CAB39: variants seen among roughly 807,000 people sequenced by gnomAD.
CAB39 encodes calcium-binding protein 39.
A neutral mutation model predicts 40.0 loss-of-function variants in CAB39; 8 were observed. The observed-to-expected ratio is 0.20, with a 90% confidence interval of 0.12 to 0.36. The LOEUF (loss-of-function observed/expected upper bound fraction) is 0.36. Among genes scored for constraint, CAB39 ranks in the 10% least tolerant of loss-of-function variants. CAB39 has a pLI of 1.00. For synonymous variants in CAB39, 156 were observed against 141.6 expected, an observed-to-expected ratio of 1.10 and a Z score of -0.72; for missense variants, 270 against 401.1, an observed-to-expected ratio of 0.67 and a Z score of 2.79.
intron 1 of CAB39, among the ~76,000 whole-genome samples, chr2:230,726,504 T>A (rs898320781): frequency 6.6e-6 from 1 of 152,036 alleles, no homozygotes; most frequent in Non-Finnish European, 1.5e-5. Context: ...TCCTTTTACT[T>A]GTGTTCATTA....
chr2:230,814,095 CA>C lies in CAB39; in HGVS notation c.679del (p.Arg227AspfsTer4). The C allele has an allele frequency of 2.2e-6, 3 of 1,366,390 alleles. No individual in the cohort carries two copies. The highest frequency in any genetic ancestry group is 1.2e-5 in the South Asian group (1 of 81,812). 84.6% of individuals were successfully genotyped at this position (1,366,390 alleles called of 1,614,324 possible). On this transcript the variant is annotated frameshift_variant, in exon 7 of 9. Transcript: ENST00000258418. LOFTEE classifies it high-confidence loss of function. ...EKLLHSENYV[T>X]KRQSLKLLGE... ...TTACTTCATTCAGAAAATTATGTGA[CA>C]AAAAGACAGTCACTGAAGGTATGAC...
At chr2:230,763,109 A>G (rs1321541775) in intron 2 of CAB39, among the ~76,000 whole-genome samples, 1 of 152,254 alleles carries the variant, frequency 6.6e-6, no homozygotes. Context: ...ACTCATTACA[A>G]GTTATAAATA....
Position 230,818,548 on chromosome 2 carries a change from C to T in CAB39, c.870C>T (p.Pro290=), listed in dbSNP as rs1696445829. 3 of 1,613,970 alleles carry T rather than the reference C, an allele frequency of 1.9e-6. No homozygotes were observed. Among genetic ancestry groups the T allele is most frequent in the East Asian group, 2.2e-5 (1 of 44,896 alleles). Residue 290 remains proline, a synonymous_variant, in exon 9 of 9, where the codon CCC becomes CCT. Transcript: ENST00000258418. The part of the protein sequence containing the change: ...VFVANPNKTQ[P]ILDILLKNQA... ...TAGCCAATCCTAACAAGACGCAGCC[C>T]ATCCTAGACATCCTCCTCAAGAACC...
intron 1 of CAB39, among the ~76,000 whole-genome samples, chr2:230,727,363 CGTGTGTGTGT>C (rs10542723): frequency 1.7e-3 from 210 of 126,942 alleles, no homozygotes; most frequent in African/African-American, 5.4e-3. Context: ...GATTGTTAAC[CGTGTGTGTGT>C]GTGTGTGTGT....
chr2:230,737,795 T>C (rs1054577374), intron 1 of CAB39, among the ~76,000 whole-genome samples: 2 of 152,210 alleles, frequency 1.3e-5, no homozygotes, highest in Non-Finnish European at 2.9e-5. Flanking sequence ...ATGCTTTTGT[T>C]GTGCATTTTA....
chr2:230,726,593 T>C (rs1447827817), intron 1 of CAB39, among the ~76,000 whole-genome samples: 1 of 152,188 alleles, frequency 6.6e-6, no homozygotes, highest in Non-Finnish European at 1.5e-5. Flanking sequence ...TCCCTGTGCC[T>C]TAACCTTCCC....
chr2:230,742,631 T>C (rs1291842674), intron 1 of CAB39, among the ~76,000 whole-genome samples: 1 of 145,958 alleles, frequency 6.9e-6, no homozygotes, highest in Non-Finnish European at 1.5e-5. Flanking sequence ...TACAAGTCAA[T>C]AAGAAAAGGA....
At chr2:230,815,845 C>T (rs1428469670) in intron 7 of CAB39, among the ~76,000 whole-genome samples, 1 of 152,198 alleles carries the variant, frequency 6.6e-6, no homozygotes, top group Admixed American at 6.5e-5. Flanking sequence ...GGCTTCAGCA[C>T]CAGCCGTACT....
At chr2:230,778,203 G>T (rs1319906980) in intron 2 of CAB39, among the ~76,000 whole-genome samples, 1 of 152,220 alleles carries the variant, frequency 6.6e-6, no homozygotes, top group African/African-American at 2.4e-5. Context: ...ATTGGGGACA[G>T]TGAAGAGGGC....
At chr2:230,799,399 T>C (rs1448985604) in intron 5 of CAB39, among the ~76,000 whole-genome samples, 1 of 152,256 alleles carries the variant, frequency 6.6e-6, no homozygotes, top group African/African-American at 2.4e-5. Context: ...CACTGGATCA[T>C]GTCGATTAAA....
chr2:230,739,707 T>A (rs1694843992), intron 1 of CAB39, among the ~76,000 whole-genome samples: 1 of 152,216 alleles, frequency 6.6e-6, no homozygotes, highest in Admixed American at 6.5e-5. Flanking sequence ...TTGGTCAGGC[T>A]GGTCTTGAAC....
In CAB39 at chr2:230,793,071, AT is replaced by A. The variant is rs1199290505; in HGVS notation, c.280-139del. ...ATTTGGAATTACAAATGAAGAGATA[AT>A]TTAATGTCTATGAATGTGTTAAAGT... On this transcript the variant is annotated intron_variant, in intron 3 of 8. Transcript: ENST00000258418. The A allele has an allele frequency of 5.3e-6, 3 of 561,912 alleles. No individual in the cohort carries two copies. In the Admixed American group the frequency reaches 8.9e-5, roughly 17 times the overall value. 34.8% of individuals were successfully genotyped at this position (561,912 alleles called of 1,614,324 possible).
intron 5 of CAB39, among the ~76,000 whole-genome samples, chr2:230,801,775 A>G (rs964913430): frequency 2.0e-5 from 3 of 152,036 alleles, no homozygotes; most frequent in African/African-American, 7.3e-5. Flanking sequence ...AGGCTGAGGC[A>G]TAAGAATCCC....
intron 1 of CAB39, among the ~76,000 whole-genome samples, chr2:230,748,834 ATATATATATATATATAT>A (rs1695033062): frequency 3.5e-4 from 19 of 53,928 alleles, no homozygotes; most frequent in South Asian, 2.2e-3. Context: ...AAAAAAAAAT[ATATATATATATATATAT>A]ATATATATAT....
At chr2:230,808,621 G>T (rs144493911) in intron 5 of CAB39, among the ~76,000 whole-genome samples, 52 of 152,200 alleles carry the variant, frequency 3.4e-4, no homozygotes, top group Non-Finnish European at 4.9e-4. Flanking sequence ...AAACTCTTGA[G>T]TGTACTCAGA....
At chr2:230,762,858 A>G (rs1695319234) in intron 2 of CAB39, among the ~76,000 whole-genome samples, 1 of 152,214 alleles carries the variant, frequency 6.6e-6, no homozygotes, top group African/African-American at 2.4e-5. Context: ...AAATAAGTAA[A>G]CATAGCTGAA....
At chr2:230,735,544 CCTT>C (rs1559592534) in intron 1 of CAB39, among the ~76,000 whole-genome samples, 2 of 151,784 alleles carry the variant, frequency 1.3e-5, no homozygotes, top group Non-Finnish European at 2.9e-5. Context: ...GACAGAGTCT[CCTT>C]CTGTCACCCA....
intron 5 of CAB39, among the ~76,000 whole-genome samples, chr2:230,805,844 A>G (rs1009916902): frequency 1.3e-5 from 2 of 152,188 alleles, no homozygotes; most frequent in African/African-American, 2.4e-5. Context: ...CTGCAGAGAA[A>G]CTTCTAGCGA....
At chr2:230,815,846 C>T (rs1194263789) in intron 7 of CAB39, among the ~76,000 whole-genome samples, 1 of 152,236 alleles carries the variant, frequency 6.6e-6, no homozygotes, top group Non-Finnish European at 1.5e-5. Context: ...GCTTCAGCAC[C>T]AGCCGTACTT....
Sources: allele counts gnomAD v4.1 joint callset (sites outside exome capture counted in the v4.1 genomes callset), GRCh38; gene constraint gnomAD v4.1.1; transcripts MANE v1.5; gene names NCBI Gene and HGNC (gene_info 2026-07-23, HGNC 2026-07-21).